The following UGGT2 variants were observed in gnomAD, a reference collection of about 807,000 sequenced individuals.
UGGT2 encodes the protein UDP-glucose:glycoprotein glucosyltransferase 2.
A neutral mutation model predicts 192.1 loss-of-function variants in UGGT2; 180 were observed. The ratio of observed to expected loss-of-function variants is 0.94; its 90% CI spans 0.83 to 1.06. UGGT2 has a LOEUF of 1.06. Ranked by LOEUF, UGGT2 falls within the 50% of genes least tolerant of loss-of-function variation. The pLI is 0.00. For missense variants in UGGT2, 1,849 were observed against 1,795.7 expected, an observed-to-expected ratio of 1.03 and a Z score of -0.54; for synonymous variants, 580 against 591.0, an observed-to-expected ratio of 0.98 and a Z score of 0.27.
intron 27 of UGGT2, among the ~76,000 whole-genome samples, chr13:95,880,074 G>GTGA (rs1488302012): frequency 6.6e-6 from 1 of 152,076 alleles, no homozygotes; most frequent in Non-Finnish European, 1.5e-5. Flanking sequence ...CCCCGGGTGT[G>GTGA]TGATGTTCCT....
At chr13:95,803,212 A>T (rs1189651897) in intron 38 of UGGT2, among the ~76,000 whole-genome samples, 2 of 152,106 alleles carry the variant, frequency 1.3e-5, no homozygotes, top group Admixed American at 1.3e-4. Flanking sequence ...AGAGAGACAA[A>T]GAGGGAGAAA....
chr13:95,929,338 G>A (rs1321910623), intron 17 of UGGT2, among the ~76,000 whole-genome samples: 2 of 152,102 alleles, frequency 1.3e-5, no homozygotes, highest in Non-Finnish European at 2.9e-5. Context: ...ATGCAGATTG[G>A]TTACAACACA....
intron 12 of UGGT2, among the ~76,000 whole-genome samples, chr13:95,968,214 T>C (rs1421765432): frequency 2.0e-5 from 3 of 152,102 alleles, no homozygotes; most frequent in Non-Finnish European, 2.9e-5. Context: ...TTTATATTTA[T>C]TGAGTACCAC....
chr13:95,869,450 C>G (rs1290022703), intron 29 of UGGT2, among the ~76,000 whole-genome samples: 2 of 152,164 alleles, frequency 1.3e-5, no homozygotes, highest in Non-Finnish European at 2.9e-5. Context: ...CTAGATCCCT[C>G]AGGAATCACC....
chr13:95,930,858 G>C (rs61972930), intron 17 of UGGT2, among the ~76,000 whole-genome samples: 3,881 of 152,250 alleles, frequency 0.025, 58 homozygotes, highest in Non-Finnish European at 0.034. Flanking sequence ...GGTCTCGCTG[G>C]CTTCAGGAGT....
At chr13:95,874,803 C>A (rs1320484863) in intron 29 of UGGT2, among the ~76,000 whole-genome samples, 1 of 152,034 alleles carries the variant, frequency 6.6e-6, no homozygotes, top group African/African-American at 2.4e-5. Context: ...CTGATCCTCC[C>A]ACCTCAGCCT....
intron 22 of UGGT2, among the ~76,000 whole-genome samples, chr13:95,900,055 T>G (rs754700519): frequency 3.9e-5 from 6 of 152,174 alleles, no homozygotes; most frequent in Non-Finnish European, 5.9e-5. Flanking sequence ...GTTTTTTACT[T>G]AAACAATTTG....
At chr13:95,931,403 G>A (rs915758822) in intron 17 of UGGT2, among the ~76,000 whole-genome samples, 25 of 152,248 alleles carry the variant, frequency 1.6e-4, no homozygotes, top group African/African-American at 5.3e-4. Flanking sequence ...TGGGCCGCAG[G>A]GGGAGCTGCC....
At chr13:95,941,424 C>T (rs896000289) in intron 15 of UGGT2, among the ~76,000 whole-genome samples, 28 of 152,050 alleles carry the variant, frequency 1.8e-4, no homozygotes, top group African/African-American at 5.8e-4. Flanking sequence ...TTTCATTTTA[C>T]GAGTTTTTCA....
chr13:95,904,133 A>G (rs554416979), intron 20 of UGGT2, among the ~76,000 whole-genome samples: 1 of 151,900 alleles, frequency 6.6e-6, no homozygotes, highest in Admixed American at 6.6e-5. Flanking sequence ...CTCCCATTCT[A>G]TGGCTTGTTT....
At chr13:95,997,767 G>A (rs1289611722) in intron 6 of UGGT2, among the ~76,000 whole-genome samples, 2 of 152,190 alleles carry the variant, frequency 1.3e-5, no homozygotes, top group East Asian at 1.9e-4. Flanking sequence ...ACTTCCCATG[G>A]AGCCCATGCA....
At position 95,860,898 on chromosome 13, in the gene UGGT2, GTAAT is replaced by G; in HGVS notation, c.3645-19_3645-16del. On this transcript the variant is annotated splice_polypyrimidine_tract_variant and intron_variant, in intron 31 of 38. Coordinates refer to ENST00000376747, the MANE Select transcript of UGGT2 (RefSeq NM_020121.4). ...TTACTGTGAAACTTGGAATAAAAAA[GTAAT>G]TGACATTTCTTAAACATACATATGG... is the stretch of plus-strand genomic sequence containing the variant. 6.7e-7 allele frequency: 1 copy of G among 1,497,250 alleles called. No individual in the cohort carries two copies. The highest frequency in any genetic ancestry group is 9.0e-7 in the Non-Finnish European group (1 of 1,109,062). The allele number at this position is 1,497,250 out of a possible 1,614,324, so 92.7% of individuals were successfully genotyped here. A position where few individuals can be genotyped will look rare whatever the true frequency, so the allele number is the denominator to read the frequency against.
chr13:95,929,455 T>C (rs1033591433), intron 17 of UGGT2, among the ~76,000 whole-genome samples: 4 of 152,122 alleles, frequency 2.6e-5, no homozygotes, highest in African/African-American at 9.7e-5. Context: ...TTTCCTTCCC[T>C]CTCCCCTCTA....
intron 20 of UGGT2, among the ~76,000 whole-genome samples, chr13:95,919,353 G>C (rs1260321719): frequency 6.6e-6 from 1 of 152,168 alleles, no homozygotes; most frequent in East Asian, 1.9e-4. Context: ...ACACAGTATT[G>C]AAAGTTCTGG....
chr13:95,985,294 T>C, intron 9 of UGGT2: 1 of 1,287,754 alleles, frequency 7.8e-7, no homozygotes, highest in Non-Finnish European at 1.0e-6. Context: ...TTCTTGACAT[T>C]TAAAGTTGAC....
intron 20 of UGGT2, among the ~76,000 whole-genome samples, chr13:95,922,699 G>A (rs1462739178): frequency 6.6e-6 from 1 of 151,886 alleles, no homozygotes; most frequent in Non-Finnish European, 1.5e-5. Flanking sequence ...GCATGCACCT[G>A]CAGTCCCAAG....
intron 1 of UGGT2, among the ~76,000 whole-genome samples, chr13:96,034,142 C>A (rs1243655147): frequency 1.3e-5 from 2 of 152,168 alleles, no homozygotes; most frequent in African/African-American, 4.8e-5. Context: ...ATGAGATGAC[C>A]TGCCTGTGGA....
At chr13:96,046,154 C>T (rs1343145479) in intron 1 of UGGT2, among the ~76,000 whole-genome samples, 15 of 152,062 alleles carry the variant, frequency 9.9e-5, no homozygotes, top group Admixed American at 9.2e-4. Context: ...ACCAATGGAA[C>T]GTAATAGAGA....
intron 7 of UGGT2, among the ~76,000 whole-genome samples, chr13:95,993,868 G>C (rs1384336070): frequency 6.6e-6 from 1 of 151,904 alleles, no homozygotes; most frequent in Non-Finnish European, 1.5e-5. Flanking sequence ...TTGTAAATAA[G>C]GGAAAATGTA....
Sources: gnomAD v4.1 joint callset for allele counts (sites outside exome capture counted in the v4.1 genomes callset) on GRCh38, gnomAD v4.1.1 for gene constraint, MANE v1.5 for transcripts, NCBI Gene and HGNC (gene_info 2026-07-23, HGNC 2026-07-21) for gene names.